The following ANKS6 variants were observed in gnomAD, a reference collection of about 807,000 sequenced individuals.
ANKS6 encodes the protein ankyrin repeat and SAM domain-containing protein 6.
Under a neutral mutation model 77.9 loss-of-function variants are expected in ANKS6, and 47 were observed. The ratio of observed to expected loss-of-function variants is 0.60; its 90% CI spans 0.48 to 0.77. The LOEUF (loss-of-function observed/expected upper bound fraction) is 0.77, where lower values mean the gene tolerates loss of function less well. Ranked by LOEUF, ANKS6 falls within the 30% of genes least tolerant of loss-of-function variation. The pLI is 0.00. For missense variants in ANKS6, 1,150 were observed against 1,159.1 expected (o/e 0.99, Z 0.11); for synonymous variants, 488 against 501.7 (o/e 0.97, Z 0.37).
At position 98,778,399 on chromosome 9, in the gene ANKS6, C is replaced by G; in HGVS notation, c.1394G>C (p.Arg465Pro). The G allele has an allele frequency of 1.2e-6, 2 of 1,613,988 alleles. No individual in the cohort carries two copies. Among genetic ancestry groups the G allele is most frequent in the Non-Finnish European group, 1.7e-6 (2 of 1,179,994 alleles). ...LKSWWNRMSNRFRKLKLMQTL... is the reference protein window; with the variant it reads ...LKSWWNRMSNPFRKLKLMQTL... ...CTGCATCAGTTTGAGCTTTCGGAACCGATTGGACATTCGGTTCCACCAGGA... is the reference window on the plus strand; with the variant it reads ...CTGCATCAGTTTGAGCTTTCGGAACGGATTGGACATTCGGTTCCACCAGGA... Residue 465 changes from arginine to proline, a missense_variant, in exon 7 of 15, where the codon CGG becomes CCG. Physicochemically the swap from Arg to Pro is moderately radical, Grantham distance 103. Transcript: ENST00000353234.
chr9:98,733,657 TGA>T lies in ANKS6; in HGVS notation c.*2860_*2861del, dbSNP rs1356420580. 6 of 984,548 alleles carry T rather than the reference TGA, an allele frequency of 6.1e-6. No individual in the cohort carries two copies. Among genetic ancestry groups the T allele is most frequent in the Non-Finnish European group, 7.2e-6 (6 of 829,250 alleles). 61.0% of individuals were successfully genotyped at this position (984,548 alleles called of 1,614,324 possible). On this transcript the variant is annotated 3_prime_UTR_variant, in exon 15 of 15. Transcript: ENST00000353234. ...TTGCAAAAGCACCTTGGAGAAGTGA[TGA>T]GAGTAATGTGGGAGATGCTATGAGT...
intron 13 of ANKS6, among the ~76,000 whole-genome samples, chr9:98,747,572 C>A (rs1444112886): frequency 2.0e-5 from 3 of 152,062 alleles, no homozygotes; most frequent in Admixed American, 2.0e-4. Context: ...GTGATGCAGT[C>A]TGAATGGAAA....
At chr9:98,738,581 TA>T (rs914546500) in intron 14 of ANKS6, among the ~76,000 whole-genome samples, 4 of 148,230 alleles carry the variant, frequency 2.7e-5, no homozygotes, top group South Asian at 2.1e-4. Context: ...AAAAATAAAA[TA>T]AAAAAAAAAA....
chr9:98,780,533 T>C (rs892477782), intron 5 of ANKS6, among the ~76,000 whole-genome samples, 196 bp from the exon 6 acceptor site: 4 of 152,186 alleles, frequency 2.6e-5, no homozygotes, highest in African/African-American at 9.7e-5. Context: ...TTAACCTACT[T>C]AACCAGAAAG....
intron 2 of ANKS6, among the ~76,000 whole-genome samples, chr9:98,788,212 G>A (rs567077299): frequency 7.9e-5 from 12 of 152,336 alleles, no homozygotes; most frequent in African/African-American, 2.4e-4. Context: ...AAGCCCGAGG[G>A]CACTCCGTGA....
chr9:98,777,265 G>A (rs1030812181), intron 8 of ANKS6, 140 bp downstream of exon 8: 4 of 892,770 alleles, frequency 4.5e-6, no homozygotes, highest in African/African-American at 1.7e-5. Flanking sequence ...CCAGAGCTAA[G>A]CCCACTGTTA....
At position 98,796,505 on chromosome 9, in the gene ANKS6, C is replaced by A. The variant is rs1835187105; in HGVS notation, c.-14G>T. 1.0e-6 allele frequency: 1 copy of A among 986,832 alleles called. No homozygotes were observed. The highest frequency in any genetic ancestry group is 1.2e-6 in the Non-Finnish European group (1 of 832,110). 61.1% of individuals were successfully genotyped at this position (986,832 alleles called of 1,614,324 possible). On this transcript the variant is annotated 5_prime_UTR_variant, in exon 1 of 15. Coordinates refer to ENST00000353234, the MANE Select transcript of ANKS6 (RefSeq NM_173551.5). The stretch of plus-strand genomic sequence containing the variant: ...GCCCTCGCCCATCGCCGCCGCCACG[C>A]GCGGCCCGCTCCCGTCCGCCCCGCC...
chr9:98,770,921 G>T lies in ANKS6; in HGVS notation c.1947C>A (p.His649Gln). ...GGSSGVGVSR[H>Q]GGELLNRSGG... is the part of the protein sequence containing the mutation. ...CTGAGCGGTTAAGCAGCTCCCCACC[G>T]TGCCGGCTCACACCTACCCCACTGG... is the stretch of plus-strand genomic sequence containing the variant. The change falls in exon 10 of 15, where the codon CAC (histidine) becomes CAA (glutamine). Residue 649 changes from histidine to glutamine, a missense_variant. Transcript: ENST00000353234. 1.3e-6 allele frequency: 2 copies of T among 1,542,718 alleles called. No homozygotes were observed. The highest frequency in any genetic ancestry group is 1.8e-6 in the Non-Finnish European group (2 of 1,141,828).
intron 14 of ANKS6, among the ~76,000 whole-genome samples, chr9:98,739,292 C>T (rs1373678624): frequency 6.6e-6 from 1 of 152,130 alleles, no homozygotes; most frequent in Non-Finnish European, 1.5e-5. Context: ...AAAACAACAA[C>T]AACGACAACA....
rs150919399 is a variant in ANKS6, at chr9:98,766,818, C to A, written c.2142+1263G>T. Among the ~76,000 whole-genome samples the A allele has an allele frequency of 2.1e-3, 324 of 152,272 alleles. 4 individuals carry two copies. The highest frequency in any genetic ancestry group is 6.8e-3 in the African/African-American group (281 of 41,562). On this transcript the variant is annotated intron_variant, in intron 11 of 14. Coordinates refer to ENST00000353234, the MANE Select transcript of ANKS6 (RefSeq NM_173551.5). Reference sequence around the variant, plus strand: ...TCCTGGGAGCATAAATCTCTGGAGGCGCTTCTTTGGTGGGCAAAGGTCCAT... The same window carrying A: ...TCCTGGGAGCATAAATCTCTGGAGGAGCTTCTTTGGTGGGCAAAGGTCCAT...
intron 13 of ANKS6, chr9:98,745,969 G>C: frequency 2.6e-6 from 1 of 391,904 alleles, no homozygotes; most frequent in Non-Finnish European, 4.7e-6. Flanking sequence ...TAGAATAGGA[G>C]AAATCCAAGG....
At chr9:98,777,191 C>A (rs77857067) in intron 8 of ANKS6, among the ~76,000 whole-genome samples, 1 of 152,190 alleles carries the variant, frequency 6.6e-6, no homozygotes, top group East Asian at 1.9e-4. Context: ...TGACACCCAG[C>A]GGGTGAGCAC....
chr9:98,745,117 C>CG (rs1564177194), intron 14 of ANKS6, among the ~76,000 whole-genome samples: 1 of 152,164 alleles, frequency 6.6e-6, no homozygotes, highest in East Asian at 1.9e-4. Flanking sequence ...TAGTGACTGA[C>CG]GGCTCTCTGT....
At chr9:98,773,183 G>A (rs1833731621) in intron 9 of ANKS6, among the ~76,000 whole-genome samples, 1 of 152,208 alleles carries the variant, frequency 6.6e-6, no homozygotes, top group South Asian at 2.1e-4. Flanking sequence ...GTCTCCTGCA[G>A]GTGATCTCAT....
intron 14 of ANKS6, 43 bp downstream of exon 14, chr9:98,745,516 C>G (rs1832079067): frequency 6.4e-7 from 1 of 1,566,100 alleles, no homozygotes; most frequent in Non-Finnish European, 8.8e-7. Context: ...GTGAAGCTCT[C>G]AGATGTCTGA....
intron 12 of ANKS6, among the ~76,000 whole-genome samples, chr9:98,752,153 G>A (rs1435826674): frequency 6.6e-6 from 1 of 152,176 alleles, no homozygotes; most frequent in Non-Finnish European, 1.5e-5. Flanking sequence ...GAAGAAGAGA[G>A]CAGCATCAAG....
chr9:98,732,527 C>A lies in ANKS6; in HGVS notation c.*3992G>T, dbSNP rs1447760210. ...TGCTACCTCTTGCCGGAGGCAGTTT[C>A]TTCTGGCCTCACCCACCCAACCATG... On this transcript the variant is annotated 3_prime_UTR_variant, in exon 15 of 15. Transcript: ENST00000353234. The A allele has an allele frequency of 4.5e-6, 7 of 1,550,624 alleles. No homozygotes were observed. The South Asian group carries it at 5.9e-5, about 13-fold the overall frequency.
chr9:98,778,290 A>G lies in ANKS6; in HGVS notation c.1503T>C (p.Ala501=), dbSNP rs764332465. ...PEPALDSTMR[A]APQDKTSRSA... Reference sequence around the variant, plus strand: ...AGCGGCTTGTCTTGTCCTGGGGGGCAGCCCTCATTGTGGAGTCCAGAGCTG... The same window carrying G: ...AGCGGCTTGTCTTGTCCTGGGGGGCGGCCCTCATTGTGGAGTCCAGAGCTG... Residue 501 remains alanine, a synonymous_variant, in exon 7 of 15, where the codon GCT becomes GCC. Coordinates refer to ENST00000353234, the MANE Select transcript of ANKS6 (RefSeq NM_173551.5). The G allele has an allele frequency of 1.9e-6, 3 of 1,614,114 alleles. No homozygotes were observed. Among genetic ancestry groups the G allele is most frequent in the South Asian group, 2.2e-5 (2 of 91,072 alleles).
At chr9:98,752,243 A>G (rs1832468723) in intron 12 of ANKS6, among the ~76,000 whole-genome samples, 1 of 152,268 alleles carries the variant, frequency 6.6e-6, no homozygotes. Flanking sequence ...AAGGTGATCT[A>G]TGAGCAGTAA....
Sources: gnomAD v4.1 joint callset for allele counts (sites outside exome capture counted in the v4.1 genomes callset) on GRCh38, gnomAD v4.1.1 for gene constraint, MANE v1.5 for transcripts, NCBI Gene and HGNC (gene_info 2026-07-23, HGNC 2026-07-21) for gene names.